Variants in PGM3 observed in about 807,000 individuals in gnomAD.
PGM3 encodes phosphoacetylglucosamine mutase.
A neutral mutation model predicts 66.2 loss-of-function variants in PGM3; 40 were observed. That is an observed-to-expected ratio of 0.60 (90% CI 0.47 to 0.79). PGM3 has a LOEUF of 0.79. Ranked by LOEUF, PGM3 falls within the 30% of genes least tolerant of loss-of-function variation. The probability of loss-of-function intolerance (pLI) is 0.00; values close to 1 mark genes in which losing one functional copy is unlikely to be tolerated. For missense variants in PGM3, 537 were observed against 643.4 expected (o/e 0.83, Z 1.79); for synonymous variants, 191 against 224.2 (o/e 0.85, Z 1.32).
chr6:83,170,191 G>C, intron 12 of PGM3, 114 bp downstream of exon 12: 3 of 926,994 alleles, frequency 3.2e-6, no homozygotes, highest in South Asian at 3.4e-5. Context: ...AACCTAAAAG[G>C]CTCAACAAAA....
At chr6:83,180,652 G>A (rs1009881553) in intron 6 of PGM3, among the ~76,000 whole-genome samples, 4 of 152,184 alleles carry the variant, frequency 2.6e-5, no homozygotes, top group Non-Finnish European at 4.4e-5. Context: ...AAGGACTATG[G>A]TTTTGTTCAT....
downstream of PGM3, among the ~76,000 whole-genome samples, chr6:83,156,620 T>TC (rs1782858175): frequency 6.6e-6 from 1 of 152,126 alleles, no homozygotes; most frequent in Admixed American, 6.5e-5. Flanking sequence ...ACCAAATAGC[T>TC]CCACAATGGG....
At chr6:83,192,966 G>T (rs2128514164) in intron 1 of PGM3, 1 of 152,388 alleles carries the variant, frequency 6.6e-6, no homozygotes, top group African/African-American at 2.4e-5. Context: ...ACGTACCAGA[G>T]CCCCGGCAGG....
chr6:83,160,487 G>C (rs185291650), downstream of PGM3, among the ~76,000 whole-genome samples: 1 of 152,318 alleles, frequency 6.6e-6, no homozygotes, highest in Admixed American at 6.5e-5. Flanking sequence ...AGCTGTGTTA[G>C]AGAACTTGGA....
intron 7 of PGM3, among the ~76,000 whole-genome samples, chr6:83,179,142 C>CTTTTTAGTTT (rs1787989382): frequency 1.3e-5 from 2 of 151,946 alleles, no homozygotes; most frequent in African/African-American, 4.8e-5. Flanking sequence ...GAAACCCCAT[C>CTTTTTAGTTT]TCTACTAAAA....
chr6:83,191,327 A>G (rs1789031908), intron 1 of PGM3: 1 of 1,138,756 alleles, frequency 8.8e-7, no homozygotes, highest in Admixed American at 2.0e-5. Flanking sequence ...CTCTCAACTA[A>G]AATGAAGATT....
chr6:83,186,172 A>G (rs1788565845), intron 4 of PGM3, among the ~76,000 whole-genome samples: 1 of 152,190 alleles, frequency 6.6e-6, no homozygotes, highest in Non-Finnish European at 1.5e-5. Context: ...CATGCCACAG[A>G]GGTCCCTGGT....
chr6:83,172,821 T>G (rs1787370532), intron 10 of PGM3, among the ~76,000 whole-genome samples: 2 of 152,294 alleles, frequency 1.3e-5, no homozygotes, highest in South Asian at 4.1e-4. Context: ...AAAATACTTG[T>G]GTGTGAATAA....
intron 1 of PGM3, 161 bp from the exon 2 acceptor site, chr6:83,191,175 G>C: frequency 6.6e-7 from 1 of 1,524,560 alleles, no homozygotes; most frequent in Non-Finnish European, 8.8e-7. Context: ...AAGTCCTGTG[G>C]GTTAGAATTA....
intron 7 of PGM3, 65 bp downstream of exon 7, chr6:83,179,745 G>T: frequency 7.9e-7 from 1 of 1,259,380 alleles, no homozygotes; most frequent in Non-Finnish European, 1.1e-6. Context: ...ACAAATGATT[G>T]TAAAATATGG....
downstream of PGM3, chr6:83,158,457 A>C (rs1313843962): frequency 1.2e-6 from 1 of 858,302 alleles, no homozygotes; most frequent in African/African-American, 1.7e-5. Context: ...AAAGATTCTG[A>C]AAATGTATTC....
intron 4 of PGM3, among the ~76,000 whole-genome samples, chr6:83,186,347 G>A (rs1434185543): frequency 6.6e-6 from 1 of 152,194 alleles, no homozygotes; most frequent in Non-Finnish European, 1.5e-5. Context: ...AAGGTAAGCA[G>A]AGCTAGCCCT....
chr6:83,174,858 G>A (rs1787637843), intron 9 of PGM3, among the ~76,000 whole-genome samples: 1 of 152,110 alleles, frequency 6.6e-6, no homozygotes, highest in Non-Finnish European at 1.5e-5. Context: ...TTACTTTGAA[G>A]GATATAATTC....
At chr6:83,153,941 G>A in the PGM3 span, 1 of 1,614,076 alleles carries the variant, frequency 6.2e-7, no homozygotes, top group Non-Finnish European at 8.5e-7. Flanking sequence ...CTGCTCAGCA[G>A]TCTTAGTGGG....
At chr6:83,184,496 T>C (rs1303082240) in intron 4 of PGM3, among the ~76,000 whole-genome samples, 1 of 152,218 alleles carries the variant, frequency 6.6e-6, no homozygotes, top group Admixed American at 6.5e-5. Flanking sequence ...CCCATTATTC[T>C]AAAAGACATG....
rs370293418 is a variant in PGM3 at position 83,181,914 on chromosome 6, A to C, written c.609T>G (p.Asp203Glu). The C allele has an allele frequency of 4.9e-5, 78 of 1,597,932 alleles. No homozygotes were observed. Among genetic ancestry groups the C allele is most frequent in the African/African-American group, 5.4e-5 (4 of 73,980 alleles). Residue 203 changes from aspartate (D) to glutamate (E), a missense_variant, in exon 6 of 13, where the codon GAT (aspartate) becomes GAG (glutamate). By Grantham distance (45) the Asp-to-Glu change is conservative. Transcript: ENST00000513973. ...ELTKQASCSG[D>E]EYRSLKVDCA... ...AGTCAACCTTAAGTGATCTGTATTC[A>C]TCTCCACTGCAAGAAGCCTACAAAG...
chr6:83,175,929 C>T, intron 9 of PGM3, 33 bp downstream of exon 9: 2 of 1,181,994 alleles, frequency 1.7e-6, no homozygotes, highest in Non-Finnish European at 1.3e-6. Flanking sequence ...AGAAAAGTGC[C>T]AGCTAAGGCC....
At chr6:83,179,421 A>G (rs1788014772) in intron 7 of PGM3, among the ~76,000 whole-genome samples, 1 of 152,202 alleles carries the variant, frequency 6.6e-6, no homozygotes, top group South Asian at 2.1e-4. Context: ...TATTTCTAAA[A>G]TAGCAAAATG....
downstream of PGM3, among the ~76,000 whole-genome samples, chr6:83,162,420 T>G (rs1757670655): frequency 1.3e-5 from 2 of 152,156 alleles, no homozygotes; most frequent in African/African-American, 4.8e-5. Flanking sequence ...ACTGTTATGT[T>G]GCAGTACAAA....
Sources: gnomAD v4.1 joint callset for allele counts (sites outside exome capture counted in the v4.1 genomes callset) on GRCh38, gnomAD v4.1.1 for gene constraint, MANE v1.5 for transcripts, NCBI Gene and HGNC (gene_info 2026-07-23, HGNC 2026-07-21) for gene names.